BMERB1: variants seen among roughly 807,000 people sequenced by gnomAD.
BMERB1 encodes bMERB domain-containing protein 1.
A neutral mutation model predicts 23.6 loss-of-function variants in BMERB1; 12 were observed. That is an observed-to-expected ratio of 0.51 (90% CI 0.33 to 0.82). BMERB1 has a LOEUF of 0.82. Ranked by LOEUF, BMERB1 falls within the 40% of genes least tolerant of loss-of-function variation. The pLI, the probability that BMERB1 is intolerant of heterozygous loss-of-function variation, is 0.03. For missense variants in BMERB1, 247 were observed against 255.4 expected, an observed-to-expected ratio of 0.97 and a Z score of 0.22; for synonymous variants, 122 against 96.6, an observed-to-expected ratio of 1.26 and a Z score of -1.54.
At chr16:15,517,734 G>A (rs928008762) in intron 2 of BMERB1, among the ~76,000 whole-genome samples, 8 of 151,908 alleles carry the variant, frequency 5.3e-5, no homozygotes, top group East Asian at 1.9e-4. Flanking sequence ...TACTGTGTGC[G>A]CGTGTGTGTG....
chr16:15,452,310 A>G (rs1158150584), intron 1 of BMERB1, among the ~76,000 whole-genome samples: 4 of 54,872 alleles, frequency 7.3e-5, no homozygotes, highest in African/African-American at 1.1e-4. Context: ...AGAAGGAAGG[A>G]AGGGAGAGAG....
At chr16:15,566,520 G>C (rs951744521) in intron 2 of BMERB1, among the ~76,000 whole-genome samples, 1 of 152,234 alleles carries the variant, frequency 6.6e-6, no homozygotes, top group East Asian at 1.9e-4. Flanking sequence ...TCAGCTGAGT[G>C]CAGTGGCTCA....
At chr16:15,584,515 A>G (rs1238398144) in intron 5 of BMERB1, among the ~76,000 whole-genome samples, 1 of 149,792 alleles carries the variant, frequency 6.7e-6, no homozygotes, top group Non-Finnish European at 1.5e-5. Context: ...CCGAGATCAC[A>G]CCACTACACT....
At chr16:15,487,843 C>T (rs550415376) in intron 1 of BMERB1, among the ~76,000 whole-genome samples, 47 of 152,224 alleles carry the variant, frequency 3.1e-4, no homozygotes, top group East Asian at 1.2e-3. Flanking sequence ...CGCTGGTGGG[C>T]GGGTCTTTTA....
intron 1 of BMERB1, among the ~76,000 whole-genome samples, chr16:15,492,967 C>G (rs2051436643): frequency 6.6e-6 from 1 of 151,924 alleles, no homozygotes; most frequent in African/African-American, 2.4e-5. Context: ...TGACTTACCT[C>G]TGCAGTCTTC....
chr16:15,559,380 C>T (rs1345350372), intron 2 of BMERB1, among the ~76,000 whole-genome samples: 1 of 152,154 alleles, frequency 6.6e-6, no homozygotes, highest in African/African-American at 2.4e-5. Flanking sequence ...CCAGTCATGC[C>T]CGCTGCAACT....
intron 1 of BMERB1, among the ~76,000 whole-genome samples, chr16:15,485,359 A>G (rs1567464698): frequency 6.6e-6 from 1 of 152,202 alleles, no homozygotes; most frequent in Non-Finnish European, 1.5e-5. Context: ...TCTTGTCATC[A>G]CTTAGCAAAT....
chr16:15,444,139 T>TTTGTTTTTTTTTTTTTG, intron 1 of BMERB1, among the ~76,000 whole-genome samples: 1 of 133,092 alleles, frequency 7.5e-6, no homozygotes, highest in East Asian at 2.3e-4. Flanking sequence ...TTTTTTTTTT[T>TTTGTTTTTTTTTTTTTG]TTTTTTTTTT....
chr16:15,521,312 T>A (rs561132215), intron 2 of BMERB1, among the ~76,000 whole-genome samples: 1 of 152,292 alleles, frequency 6.6e-6, no homozygotes, highest in Non-Finnish European at 1.5e-5. Flanking sequence ...ATGCAGACAG[T>A]CAAAGTTTGT....
intron 1 of BMERB1, among the ~76,000 whole-genome samples, chr16:15,486,313 T>C (rs906879242): frequency 1.3e-5 from 2 of 152,098 alleles, no homozygotes; most frequent in Admixed American, 6.6e-5. Flanking sequence ...GTGGATATTG[T>C]TGAAGGATTC....
intron 2 of BMERB1, among the ~76,000 whole-genome samples, chr16:15,544,475 T>C (rs1388434631): frequency 6.6e-6 from 1 of 152,202 alleles, no homozygotes; most frequent in African/African-American, 2.4e-5. Flanking sequence ...TGGGTAGGAC[T>C]GGTCCCTATA....
rs1367460195 is a variant in BMERB1 at position 15,587,345 on chromosome 16, C to T, written c.*516C>T. ...GCCCTGGAGGGCTCCACATGGCCCC[C>T]GTGTCTCTCGGGCACCACCCATATA... On this transcript the variant is annotated 3_prime_UTR_variant, in exon 6 of 6. Transcript: ENST00000300006. 4 of 246,124 alleles carry T rather than the reference C, an allele frequency of 1.6e-5. No homozygotes were observed. Among genetic ancestry groups the T allele is most frequent in the South Asian group, 7.3e-5 (2 of 27,454 alleles). The allele number at this position is 246,124 out of a possible 1,614,324, so 15.2% of individuals were successfully genotyped here.
intron 3 of BMERB1, chr16:15,577,373 C>A (rs1346016506): frequency 6.6e-6 from 1 of 152,216 alleles, no homozygotes; most frequent in East Asian, 1.9e-4. Context: ...TAAATAATTT[C>A]TTCTTCACTC....
At chr16:15,494,476 CTT>C (rs1335730524) in intron 1 of BMERB1, among the ~76,000 whole-genome samples, 4 of 152,096 alleles carry the variant, frequency 2.6e-5, no homozygotes, top group African/African-American at 9.7e-5. Flanking sequence ...TGCCGGAACT[CTT>C]GTGTCATCTC....
At chr16:15,452,319 A>AGG (rs2051049176) in intron 1 of BMERB1, among the ~76,000 whole-genome samples, 1 of 30,588 alleles carries the variant, frequency 3.3e-5, no homozygotes, top group Non-Finnish European at 6.5e-5. Context: ...GAAGGGAGAG[A>AGG]GAGGGAGGGA....
chr16:15,490,025 C>T (rs777540281), intron 1 of BMERB1, among the ~76,000 whole-genome samples: 4 of 152,052 alleles, frequency 2.6e-5, no homozygotes, highest in East Asian at 3.9e-4. Context: ...CGCCCTCATC[C>T]GGCTAATTTT....
chr16:15,580,792 A>C (rs372319518), intron 3 of BMERB1, among the ~76,000 whole-genome samples: 8 of 148,370 alleles, frequency 5.4e-5, no homozygotes, highest in Non-Finnish European at 1.2e-4. Flanking sequence ...TGATCCGCCC[A>C]CCTTGGCCTC....
intron 2 of BMERB1, chr16:15,533,104 T>C: frequency 2.3e-6 from 1 of 434,032 alleles, no homozygotes; most frequent in Non-Finnish European, 4.6e-6. Flanking sequence ...AGATCAAGCA[T>C]ATTAAGTGCT....
chr16:15,526,410 A>C (rs2051905260), intron 2 of BMERB1, among the ~76,000 whole-genome samples: 1 of 152,206 alleles, frequency 6.6e-6, no homozygotes. Flanking sequence ...TCACGCCTCT[A>C]ATCCCAGCAC....
Sources: gnomAD v4.1 joint callset for allele counts (sites outside exome capture counted in the v4.1 genomes callset) on GRCh38, gnomAD v4.1.1 for gene constraint, MANE v1.5 for transcripts, NCBI Gene and HGNC (gene_info 2026-07-23, HGNC 2026-07-21) for gene names.